The following MS4A8 variants were observed in gnomAD, a reference collection of about 807,000 sequenced individuals.
The protein encoded by MS4A8 is membrane spanning 4-domains A8, also known as membrane-spanning 4-domains subfamily A member 8.
MS4A8 carries 27 observed loss-of-function variants against 23.7 expected under a neutral mutation model. The ratio of observed to expected loss-of-function variants is 1.14; its 90% CI spans 0.84 to 1.57. MS4A8 has a LOEUF of 1.57. MS4A8 is among the 40% of genes most tolerant of loss of function. The pLI, the probability that MS4A8 is intolerant of heterozygous loss-of-function variation, is 0.00. For missense variants in MS4A8, 301 were observed against 311.4 expected (o/e 0.97, Z 0.25); for synonymous variants, 138 against 126.3 (o/e 1.09, Z -0.62).
rs1477948347 is a variant in MS4A8, at chr11:60,715,539, T to C, written c.*125T>C. The C allele has an allele frequency of 1.6e-5, 11 of 669,788 alleles. No individual in the cohort carries two copies. The highest frequency in any genetic ancestry group is 2.6e-5 in the Non-Finnish European group (10 of 386,716). 41.5% of individuals were successfully genotyped at this position (669,788 alleles called of 1,614,324 possible). On this transcript the variant is annotated 3_prime_UTR_variant, in exon 7 of 7. Coordinates refer to ENST00000300226, the MANE Select transcript of MS4A8 (RefSeq NM_031457.2). Reference sequence around the variant, plus strand: ...GAAACGTCTCTCCCACTGTTTGTACTCTCACCTTCATTCTTCAATTCAGTC... The same window carrying C: ...GAAACGTCTCTCCCACTGTTTGTACCCTCACCTTCATTCTTCAATTCAGTC...
At chr11:60,711,925 C>A in intron 5 of MS4A8, 1 of 449,020 alleles carries the variant, frequency 2.2e-6, no homozygotes, top group Non-Finnish European at 4.5e-6. Flanking sequence ...CATGGAGGGT[C>A]GGACTGCATC....
intron 4 of MS4A8, 78 bp downstream of exon 4, chr11:60,707,125 T>C: frequency 7.6e-7 from 1 of 1,313,832 alleles, no homozygotes; most frequent in Non-Finnish European, 1.1e-6. Context: ...TAAGGTCACA[T>C]ACGATTCCTC....
chr11:60,702,351 CTCCAAA>C (rs1438537832), intron 2 of MS4A8, among the ~76,000 whole-genome samples: 1 of 152,174 alleles, frequency 6.6e-6, no homozygotes, highest in Non-Finnish European at 1.5e-5. Flanking sequence ...TGTATGGGTA[CTCCAAA>C]TACGGTTTCT....
chr11:60,714,954 C>A, intron 5 of MS4A8, 67 bp from the exon 6 acceptor site: 1 of 1,095,588 alleles, frequency 9.1e-7, no homozygotes, highest in Non-Finnish European at 1.4e-6. Context: ...ATGGCAGGGC[C>A]CCAGTGAGAG....
intron 5 of MS4A8, among the ~76,000 whole-genome samples, chr11:60,714,426 A>G (rs1387663583): frequency 6.6e-6 from 1 of 152,112 alleles, no homozygotes; most frequent in Admixed American, 6.5e-5. Context: ...TCCTATGTCT[A>G]CTTCCTTCTA....
At chr11:60,712,956 T>C (rs1314622323) in intron 5 of MS4A8, among the ~76,000 whole-genome samples, 1 of 152,158 alleles carries the variant, frequency 6.6e-6, no homozygotes, top group Non-Finnish European at 1.5e-5. Flanking sequence ...GCTTCCCAGA[T>C]ACACTGGAAG....
At chr11:60,703,793 G>A (rs1384274416) in intron 3 of MS4A8, among the ~76,000 whole-genome samples, 1 of 152,198 alleles carries the variant, frequency 6.6e-6, no homozygotes, top group Admixed American at 6.5e-5. Context: ...TTTCCCCTAA[G>A]GTCTCTCTCC....
intron 5 of MS4A8, 131 bp from the exon 6 acceptor site, chr11:60,714,890 C>T (rs1043287017): frequency 2.7e-5 from 18 of 659,500 alleles, no homozygotes; most frequent in African/African-American, 2.3e-4. Flanking sequence ...TGGGAAATTT[C>T]CCCCCACGAG....
At chr11:60,701,292 G>A (rs756364456) in intron 2 of MS4A8, 36 of 677,636 alleles carry the variant, frequency 5.3e-5, no homozygotes, top group South Asian at 3.5e-4. Flanking sequence ...AGGCATTTTC[G>A]GAAAGAGAAA....
At chr11:60,701,865 A>G (rs962287524) in intron 2 of MS4A8, among the ~76,000 whole-genome samples, 2 of 152,176 alleles carry the variant, frequency 1.3e-5, no homozygotes, top group Admixed American at 6.5e-5. Context: ...TCAGTGTAAT[A>G]TACTGGTTAA....
intron 2 of MS4A8, among the ~76,000 whole-genome samples, chr11:60,702,875 G>A (rs1358782228): frequency 6.6e-6 from 1 of 152,158 alleles, no homozygotes; most frequent in African/African-American, 2.4e-5. Flanking sequence ...GTTGGGGGAG[G>A]GGAGCATAAT....
chr11:60,711,378 T>A (rs2088299099), intron 5 of MS4A8, among the ~76,000 whole-genome samples: 1 of 152,240 alleles, frequency 6.6e-6, no homozygotes, highest in Non-Finnish European at 1.5e-5. Flanking sequence ...TCCCTAGAGA[T>A]CCTATGGACC....
At chr11:60,701,186 T>C in intron 2 of MS4A8, 107 bp downstream of exon 2, 1 of 1,092,234 alleles carries the variant, frequency 9.2e-7, no homozygotes, top group Non-Finnish European at 1.4e-6. Context: ...CAAGTGGGGC[T>C]GAGTTGATCG....
chr11:60,714,934 C>T, intron 5 of MS4A8, 87 bp from the exon 6 acceptor site: 2 of 937,572 alleles, frequency 2.1e-6, no homozygotes, highest in Non-Finnish European at 3.5e-6. Flanking sequence ...CGCAAAGCCA[C>T]AAAGAGTCCA....
At chr11:60,712,070 A>G (rs1590955597) in intron 5 of MS4A8, 1 of 268,232 alleles carries the variant, frequency 3.7e-6, no homozygotes, top group Non-Finnish European at 7.3e-6. Flanking sequence ...TGTGTAAAAA[A>G]ATTTTATTTA....
Position 60,715,675 on chromosome 11 carries a change from C to T in MS4A8, c.*261C>T, listed in dbSNP as rs149516697. ...ATCAGCACATATGTGGGCATCCAGCCTCTGGGGCCTTGGCACACACACATT... is the reference window on the plus strand; with the variant it reads ...ATCAGCACATATGTGGGCATCCAGCTTCTGGGGCCTTGGCACACACACATT... On this transcript the variant is annotated 3_prime_UTR_variant, in exon 7 of 7. Transcript: ENST00000300226. 1.2e-4 allele frequency: 56 copies of T among 462,842 alleles called. No individual in the cohort carries two copies. Among genetic ancestry groups the T allele is most frequent in the African/African-American group, 9.4e-4 (48 of 50,926 alleles). The allele number at this position is 462,842 out of a possible 1,614,324, so 28.7% of individuals were successfully genotyped here.
chr11:60,709,422 AT>A (rs1449524940), intron 5 of MS4A8, among the ~76,000 whole-genome samples: 1 of 152,254 alleles, frequency 6.6e-6, no homozygotes, highest in Non-Finnish European at 1.5e-5. Flanking sequence ...GGTGAAATTG[AT>A]TTTAATAATC....
At chr11:60,703,197 TA>T in intron 2 of MS4A8, 180 bp from the exon 3 acceptor site, 1 of 623,040 alleles carries the variant, frequency 1.6e-6, no homozygotes, top group Non-Finnish European at 2.4e-6. Context: ...CACCAAAATG[TA>T]AACAGTTGTT....
Position 60,715,523 on chromosome 11 carries a change from CT to C in MS4A8, c.*110del, listed in dbSNP as rs1368032014. ...TGTTCTGACAGCTGAGGAAACGTCTCTCCCACTGTTTGTACTCTCACCTTCA... is the reference window on the plus strand; with the variant it reads ...TGTTCTGACAGCTGAGGAAACGTCTCCCCACTGTTTGTACTCTCACCTTCA... On this transcript the variant is annotated 3_prime_UTR_variant, in exon 7 of 7. Transcript: ENST00000300226. 3 of 759,734 alleles carry C rather than the reference CT, an allele frequency of 3.9e-6. No individual in the cohort carries two copies. Among genetic ancestry groups the C allele is most frequent in the Non-Finnish European group, 6.6e-6 (3 of 453,790 alleles). 47.1% of individuals were successfully genotyped at this position (759,734 alleles called of 1,614,324 possible). A position where few individuals can be genotyped will look rare whatever the true frequency, so the allele number is the denominator to read the frequency against.
Sources: allele counts gnomAD v4.1 joint callset (sites outside exome capture counted in the v4.1 genomes callset), GRCh38; gene constraint gnomAD v4.1.1; transcripts MANE v1.5; gene names NCBI Gene and HGNC (gene_info 2026-07-23, HGNC 2026-07-21).